Variants in TNKS observed in about 807,000 individuals in gnomAD.
TNKS encodes tankyrase.
A neutral mutation model predicts 135.8 loss-of-function variants in TNKS; 72 were observed. That is an observed-to-expected ratio of 0.53 (90% CI 0.44 to 0.64). The LOEUF (loss-of-function observed/expected upper bound fraction) is 0.64. Among genes scored for constraint, TNKS ranks in the 30% least tolerant of loss-of-function variants. The pLI is 0.00. For synonymous variants in TNKS, 849 were observed against 649.3 expected, an observed-to-expected ratio of 1.31 and a Z score of -4.68; for missense variants, 1,769 against 1,674.0, an observed-to-expected ratio of 1.06 and a Z score of -0.99.
At chr8:9,568,409 TCA>T (rs1234309527) in intron 1 of TNKS, among the ~76,000 whole-genome samples, 1 of 152,232 alleles carries the variant, frequency 6.6e-6, no homozygotes, top group East Asian at 1.9e-4. Context: ...CACTGCTTTT[TCA>T]CACTCTTAAA....
At chr8:9,718,021 G>A (rs1480392289) in intron 11 of TNKS, among the ~76,000 whole-genome samples, 1 of 27,454 alleles carries the variant, frequency 3.6e-5, no homozygotes, top group Non-Finnish European at 1.2e-4. Context: ...ACTGTCAGAA[G>A]TTATTAGTTA....
intron 19 of TNKS, 75 bp from the exon 20 acceptor site, chr8:9,752,469 G>C (rs1180699506): frequency 9.0e-7 from 1 of 1,108,182 alleles, no homozygotes; most frequent in Non-Finnish European, 1.3e-6. Flanking sequence ...TCAGAGTCAT[G>C]TCTAAATGGA....
chr8:9,628,086 G>C (rs1329110980), intron 3 of TNKS, among the ~76,000 whole-genome samples: 1 of 152,076 alleles, frequency 6.6e-6, no homozygotes, highest in African/African-American at 2.4e-5. Context: ...GTTTCCTGCA[G>C]CTATGCTCTG....
At chr8:9,655,824 A>G (rs1477271828) in intron 3 of TNKS, among the ~76,000 whole-genome samples, 2 of 152,130 alleles carry the variant, frequency 1.3e-5, no homozygotes, top group African/African-American at 4.8e-5. Flanking sequence ...GAAACTCTAA[A>G]AATCAAAGCG....
At chr8:9,649,013 T>G (rs1801029913) in intron 3 of TNKS, among the ~76,000 whole-genome samples, 1 of 152,058 alleles carries the variant, frequency 6.6e-6, no homozygotes, top group Admixed American at 6.5e-5. Flanking sequence ...ATAAACAGGA[T>G]TAGTAAACAC....
chr8:9,758,982 T>G (rs1259759982), intron 20 of TNKS, among the ~76,000 whole-genome samples: 2 of 152,202 alleles, frequency 1.3e-5, no homozygotes, highest in Non-Finnish European at 2.9e-5. Flanking sequence ...ACGTGCTTAT[T>G]GGCAGGATTC....
chr8:9,665,524 A>G (rs534561188), intron 3 of TNKS, among the ~76,000 whole-genome samples: 1 of 152,360 alleles, frequency 6.6e-6, no homozygotes, highest in South Asian at 2.1e-4. Context: ...CAGAGTCACT[A>G]GAAATGGTCT....
chr8:9,770,271 C>T lies in TNKS; in HGVS notation c.3897+9C>T. On this transcript the variant is annotated intron_variant, in intron 26 of 26. Transcript: ENST00000310430. ...TCTACAGAGGAGAACAGGTATGTTA[C>T]TCATCAAACAAGCATAACCAAGTTC... 3.7e-6 allele frequency: 6 copies of T among 1,603,042 alleles called. No individual in the cohort carries two copies. The highest frequency in any genetic ancestry group is 5.1e-6 in the Non-Finnish European group (6 of 1,172,182).
intron 3 of TNKS, among the ~76,000 whole-genome samples, chr8:9,619,402 A>G (rs1165873686): frequency 6.6e-6 from 1 of 152,310 alleles, no homozygotes; most frequent in South Asian, 2.1e-4. Context: ...GTAAGAGCAG[A>G]TTGAGCCTGA....
In TNKS at chr8:9,556,038, C is replaced by T. The variant is rs980541559; in HGVS notation, c.99C>T (p.Pro33=). The T allele has an allele frequency of 1.9e-6, 3 of 1,611,660 alleles. No homozygotes were observed. The highest frequency in any genetic ancestry group is 2.7e-5 in the African/African-American group (2 of 74,938). The change falls in exon 1 of 27, where the codon CCC becomes CCT. Residue 33 remains proline, a synonymous_variant. Transcript: ENST00000310430. Reference sequence around the variant, plus strand: ...CAGCGCCGCCGCCGCCACCTCCTCCCCCACTCAGCCCTGGCCTGGCCCCGG... The same window carrying T: ...CAGCGCCGCCGCCGCCACCTCCTCCTCCACTCAGCCCTGGCCTGGCCCCGG... ...GASAPPPPPP[P]PLSPGLAPGT...
chr8:9,772,536 G>T, intron 26 of TNKS: 1 of 386,712 alleles, frequency 2.6e-6, no homozygotes, highest in South Asian at 2.0e-5. Flanking sequence ...CAGATTACAT[G>T]AGGCCCAAGA....
At chr8:9,707,026 C>A in intron 8 of TNKS, 29 bp downstream of exon 8, 2 of 1,516,052 alleles carry the variant, frequency 1.3e-6, no homozygotes, top group Non-Finnish European at 1.8e-6. Flanking sequence ...AAATCATTAT[C>A]GCATAAATTG....
chr8:9,708,253 C>G lies in TNKS; in HGVS notation c.1457-118C>G, dbSNP rs145198461. ...TTATCATCATATTATCACATTGCTG[C>G]TGTTGTTAAAATAGAGAAATTCATA... On this transcript the variant is annotated intron_variant, in intron 8 of 26. Transcript: ENST00000310430. The G allele has an allele frequency of 4.6e-5, 41 of 885,478 alleles. No individual in the cohort carries two copies. In the African/African-American group the frequency reaches 6.7e-4, roughly 14 times the overall value. The allele number at this position is 885,478 out of a possible 1,614,324, so 54.9% of individuals were successfully genotyped here. A position where few individuals can be genotyped will look rare whatever the true frequency, so the allele number is the denominator to read the frequency against.
At chr8:9,589,505 C>G (rs74511111) in intron 2 of TNKS, among the ~76,000 whole-genome samples, 3,366 of 152,340 alleles carry the variant, frequency 0.022, 119 homozygotes, top group African/African-American at 0.073. Flanking sequence ...AGAATCCTCC[C>G]TTAAAGTTGC....
At chr8:9,767,581 A>C (rs2128838167) in intron 25 of TNKS, among the ~76,000 whole-genome samples, 1 of 152,306 alleles carries the variant, frequency 6.6e-6, no homozygotes, top group East Asian at 1.9e-4. Flanking sequence ...TTTGAACAAA[A>C]TTATTGCCAT....
intron 25 of TNKS, among the ~76,000 whole-genome samples, chr8:9,769,542 T>G (rs949977447): frequency 4.0e-5 from 6 of 151,896 alleles, no homozygotes; most frequent in East Asian, 1.9e-4. Context: ...TACCCATCCA[T>G]GCAAGGGCTC....
rs781019962 is a variant in TNKS at position 9,751,763 on chromosome 8, C to A, written c.2987C>A (p.Thr996Asn). The A allele has an allele frequency of 1.9e-6, 3 of 1,614,106 alleles. No homozygotes were observed. In the African/African-American group the frequency reaches 4.0e-5, roughly 22 times the overall value. ...GCTGCCAGCAGCATAGACAACCTCA[C>A]TGGCCCTTTAGCAGAGTTGGCCGTA... ...LSAASSIDNL[T>N]GPLAELAVGG... The change falls in exon 19 of 27, where the codon ACT (threonine) becomes AAT (asparagine). Residue 996 changes from threonine (T) to asparagine (N), a missense_variant. By Grantham distance (65) the Thr-to-Asn change is moderately conservative (BLOSUM62 0). Transcript: ENST00000310430.
intron 2 of TNKS, among the ~76,000 whole-genome samples, chr8:9,587,357 G>A (rs1338811696): frequency 3.3e-5 from 5 of 151,674 alleles, no homozygotes; most frequent in Non-Finnish European, 7.4e-5. Flanking sequence ...AGGTTTTCAT[G>A]AAAGTCACCA....
intron 20 of TNKS, among the ~76,000 whole-genome samples, chr8:9,754,440 G>A (rs1050597071): frequency 6.6e-6 from 1 of 152,062 alleles, no homozygotes; most frequent in Non-Finnish European, 1.5e-5. Context: ...TCAGTTTGGA[G>A]TTAACTTAAA....
Sources: gnomAD v4.1 joint callset for allele counts (sites outside exome capture counted in the v4.1 genomes callset) on GRCh38, gnomAD v4.1.1 for gene constraint, MANE v1.5 for transcripts, NCBI Gene and HGNC (gene_info 2026-07-23, HGNC 2026-07-21) for gene names.